POSTN: variants seen among roughly 807,000 people sequenced by gnomAD.
POSTN encodes the protein osteoblast specific factor 2 (fasciclin I-like).
In POSTN, 71 loss-of-function variants were observed where a neutral mutation model predicts 104.5. The observed-to-expected ratio is 0.68, with a 90% CI of 0.56 to 0.83. The LOEUF (loss-of-function observed/expected upper bound fraction) is 0.83. Ranked by LOEUF, POSTN falls within the 40% of genes least tolerant of loss-of-function variation. The pLI is 0.00. For missense variants in POSTN, 949 were observed against 1,006.8 expected, an observed-to-expected ratio of 0.94 and a Z score of 0.78; for synonymous variants, 355 against 340.7, an observed-to-expected ratio of 1.04 and a Z score of -0.46.
At position 37,563,012 on chromosome 13, in the gene POSTN, G is replaced by T. The variant is rs1192393830; in HGVS notation, c.*321C>A. On this transcript the variant is annotated 3_prime_UTR_variant, in exon 23 of 23. Coordinates refer to ENST00000379747, the MANE Select transcript of POSTN (RefSeq NM_006475.3). ...ATGGGATAACAGTTCACAACTCTTC[G>T]ATTTGAATTGTAATGAATCTGGTGA... 3 of 192,170 alleles carry T rather than the reference G, an allele frequency of 1.6e-5. No homozygotes were observed. Among genetic ancestry groups the T allele is most frequent in the African/African-American group, 2.3e-5 (1 of 43,138 alleles). 11.9% of individuals were successfully genotyped at this position (192,170 alleles called of 1,614,324 possible). A position where few individuals can be genotyped will look rare whatever the true frequency, so the allele number is the denominator to read the frequency against.
intron 16 of POSTN, among the ~76,000 whole-genome samples, chr13:37,576,075 G>C (rs1322211662): frequency 1.3e-5 from 2 of 152,048 alleles, no homozygotes; most frequent in African/African-American, 2.4e-5. Context: ...AGTTTTGACA[G>C]GTGAAGCTCT....
In POSTN at chr13:37,597,212, ACCAGTT is replaced by A. The variant is rs1566039938; in HGVS notation, c.184_189del (p.Asn62_Trp63del). On this transcript the variant is annotated inframe_deletion, in exon 2 of 23. Coordinates refer to ENST00000379747, the MANE Select transcript of POSTN (RefSeq NM_006475.3). ...TTCTGTCCACAGATGGACTTTTTATACCAGTTCTTACAAGTGCTGAAGTATTTCTTT... is the reference window on the plus strand; with the variant it reads ...TTCTGTCCACAGATGGACTTTTTATACTTACAAGTGCTGAAGTATTTCTTT... The A allele has an allele frequency of 6.3e-7, 1 of 1,576,374 alleles. No homozygotes were observed. The highest frequency in any genetic ancestry group is 8.6e-7 in the Non-Finnish European group (1 of 1,166,964).
intron 11 of POSTN, among the ~76,000 whole-genome samples, 197 bp from the exon 12 acceptor site, chr13:37,580,188 T>C (rs1950537698): frequency 6.6e-6 from 1 of 152,236 alleles, no homozygotes; most frequent in African/African-American, 2.4e-5. Context: ...ATACAATTTT[T>C]AATTTTTTTC....
At chr13:37,592,074 T>C (rs372034556) in intron 3 of POSTN, 26 bp downstream of exon 3, 6 of 1,543,250 alleles carry the variant, frequency 3.9e-6, no homozygotes, top group East Asian at 2.2e-5. Context: ...TAATTCCTTA[T>C]TTAATTCAAA....
chr13:37,563,365 T>C lies in POSTN; in HGVS notation c.2479A>G (p.Arg827Gly). Residue 827 changes from arginine to glycine, a missense_variant, in exon 23 of 23, where the codon AGA becomes GGA. Coordinates refer to ENST00000379747, the MANE Select transcript of POSTN (RefSeq NM_006475.3). The stretch of plus-strand genomic sequence containing the variant: ...GAACGACCTTCCCTTAATCGTCTTC[T>C]AGATCCTAATTAGAAAGAAAGGAGA... ...LQANKKVQGSRRRLREGRSQ is the reference protein window; with the variant it reads ...LQANKKVQGSGRRLREGRSQ 1 of 1,581,372 alleles carries C rather than the reference T, an allele frequency of 6.3e-7. No homozygotes were observed. Among genetic ancestry groups the C allele is most frequent in the South Asian group, 1.1e-5 (1 of 87,846 alleles).
chr13:37,583,851 C>T, intron 9 of POSTN, 118 bp downstream of exon 9: 7 of 1,214,472 alleles, frequency 5.8e-6, no homozygotes, highest in Non-Finnish European at 7.9e-6. Flanking sequence ...TATGTGTAGC[C>T]AATGCAGAAA....
Position 37,590,540 on chromosome 13 carries a change from C to G in POSTN, c.284-11G>C. ...GGTCAATGGGCAAAACTGAAATAAT[C>G]AAGAAATGAATCAGTACTGGGGATA... is the stretch of plus-strand genomic sequence containing the variant. On this transcript the variant is annotated splice_polypyrimidine_tract_variant and intron_variant, in intron 3 of 22. Transcript: ENST00000379747. 3 of 1,605,050 alleles carry G rather than the reference C, an allele frequency of 1.9e-6. No individual in the cohort carries two copies. The highest frequency in any genetic ancestry group is 2.6e-6 in the Non-Finnish European group (3 of 1,173,466).
At chr13:37,596,985 A>AAT (rs77897974) in intron 2 of POSTN, among the ~76,000 whole-genome samples, 199 bp downstream of exon 2, 29,517 of 151,990 alleles carry the variant, frequency 0.19, 3,612 homozygotes, top group Non-Finnish European at 0.27. Context: ...TTCAGGAAGA[A>AAT]ATCTGAGTTC....
intron 16 of POSTN, among the ~76,000 whole-genome samples, chr13:37,577,484 T>A (rs8001709): frequency 0.3 from 46,190 of 152,124 alleles, 8,114 homozygotes; most frequent in Non-Finnish European, 0.4. Flanking sequence ...TATGTCTTTT[T>A]ATTTTCCTGG....
chr13:37,592,827 A>G (rs1241803803), intron 2 of POSTN, among the ~76,000 whole-genome samples: 1 of 152,150 alleles, frequency 6.6e-6, no homozygotes, highest in Non-Finnish European at 1.5e-5. Flanking sequence ...TGTGAATCTC[A>G]AATGAAATAA....
intron 19 of POSTN, 102 bp downstream of exon 19, chr13:37,570,478 A>G (rs986478802): frequency 2.1e-5 from 16 of 770,540 alleles, no homozygotes; most frequent in Admixed American, 1.2e-4. Context: ...AGTAATCACT[A>G]TGAAAATGAC....
chr13:37,580,957 T>C (rs1416752536), intron 10 of POSTN, among the ~76,000 whole-genome samples: 1 of 152,140 alleles, frequency 6.6e-6, no homozygotes, highest in African/African-American at 2.4e-5. Flanking sequence ...TTACAAAAGT[T>C]CCATGGAATC....
At chr13:37,577,858 T>C in intron 15 of POSTN, 60 bp from the exon 16 acceptor site, 1 of 1,605,060 alleles carries the variant, frequency 6.2e-7, no homozygotes, top group Non-Finnish European at 8.5e-7. Flanking sequence ...AACAAAACCA[T>C]GGCACCACTT....
At chr13:37,584,353 C>G (rs1420352846) in intron 8 of POSTN, among the ~76,000 whole-genome samples, 1 of 152,158 alleles carries the variant, frequency 6.6e-6, no homozygotes, top group Non-Finnish European at 1.5e-5. Flanking sequence ...CTTTAATTCT[C>G]TATTGTTCAT....
intron 21 of POSTN, chr13:37,568,553 A>C (rs1285322765): frequency 6.6e-6 from 1 of 152,000 alleles, no homozygotes; most frequent in Admixed American, 6.5e-5. Context: ...ATAATTTTTC[A>C]GCTTAATTCT....
At position 37,582,510 on chromosome 13, in the gene POSTN, A is replaced by G. The variant is rs1391738849; in HGVS notation, c.1248T>C (p.Asp416=). The change falls in exon 10 of 23, where the codon GAT becomes GAC. Residue 416 remains aspartate (D), a synonymous_variant. Coordinates refer to ENST00000379747, the MANE Select transcript of POSTN (RefSeq NM_006475.3). ...LAPVNNAFSD[D]TLSMDQRLLK... is the part of the protein sequence containing the mutation. ...GGAGGCGCTGATCCATGCTGAGAGTATCATCTGTAAATAAATTCATTAAGA... is the reference window on the plus strand; with the variant it reads ...GGAGGCGCTGATCCATGCTGAGAGTGTCATCTGTAAATAAATTCATTAAGA... 3 of 1,594,776 alleles carry G rather than the reference A, an allele frequency of 1.9e-6. No homozygotes were observed. The South Asian group carries it at 3.4e-5, about 18-fold the overall frequency.
In POSTN at chr13:37,578,865, T is replaced by C. The variant is rs1201176231; in HGVS notation, c.1941A>G (p.Leu647=). The change falls in exon 15 of 23, where the codon TTA becomes TTG. Residue 647 remains leucine, a synonymous_variant. Coordinates refer to ENST00000379747, the MANE Select transcript of POSTN (RefSeq NM_006475.3). ...NDQLLEILNK[L]IKYIQIKFVR... is the part of the protein sequence containing the mutation. ...GTACCTTAATTTGGATGTATTTGAT[T>C]AATTTATTAAGTATTTCCAGCAGTT... 5.0e-6 allele frequency: 8 copies of C among 1,585,200 alleles called. No individual in the cohort carries two copies. The highest frequency in any genetic ancestry group is 1.2e-5 in the South Asian group (1 of 84,424).
intron 5 of POSTN, among the ~76,000 whole-genome samples, chr13:37,587,187 T>G (rs1387931732): frequency 6.6e-6 from 1 of 152,210 alleles, no homozygotes; most frequent in African/African-American, 2.4e-5. Flanking sequence ...AGGTGTTTTT[T>G]TCATTTAAAT....
intron 8 of POSTN, 131 bp downstream of exon 8, chr13:37,584,585 T>C (rs1459966829): frequency 2.6e-5 from 19 of 729,696 alleles, no homozygotes; most frequent in Non-Finnish European, 3.4e-5. Context: ...TCACTATTTA[T>C]TGTGTTAGTG....
Sources: gnomAD v4.1 joint callset for allele counts (sites outside exome capture counted in the v4.1 genomes callset) on GRCh38, gnomAD v4.1.1 for gene constraint, MANE v1.5 for transcripts, NCBI Gene and HGNC (gene_info 2026-07-23, HGNC 2026-07-21) for gene names.